FRYL: variants seen among roughly 807,000 people sequenced by gnomAD.
The protein encoded by FRYL is FRY like transcription coactivator.
A neutral mutation model predicts 351.2 loss-of-function variants in FRYL; 150 were observed. The ratio of observed to expected loss-of-function variants is 0.43; its 90% CI spans 0.37 to 0.49. The LOEUF (loss-of-function observed/expected upper bound fraction) is 0.49. Ranked by LOEUF, FRYL falls within the 20% of genes least tolerant of loss-of-function variation. The probability of loss-of-function intolerance (pLI) is 0.00; values close to 1 mark genes in which losing one functional copy is unlikely to be tolerated. For missense variants in FRYL, 3,036 were observed against 3,619.3 expected (o/e 0.84, Z 4.13); for synonymous variants, 1,153 against 1,257.1 (o/e 0.92, Z 1.75).
intron 1 of FRYL, among the ~76,000 whole-genome samples, chr4:48,735,850 T>A (rs1454525312): frequency 1.0e-5 from 1 of 96,984 alleles, no homozygotes; most frequent in Admixed American, 1.1e-4. Flanking sequence ...AGGGATAGCA[T>A]TGGGAGATAT....
intron 1 of FRYL, among the ~76,000 whole-genome samples, chr4:48,724,888 AGATG>A (rs1769913072): frequency 6.6e-6 from 1 of 152,258 alleles, no homozygotes; most frequent in African/African-American, 2.4e-5. Flanking sequence ...ATCCATGTTG[AGATG>A]GAACCTAATG....
intron 3 of FRYL, among the ~76,000 whole-genome samples, chr4:48,682,311 T>C (rs556497675): frequency 6.6e-6 from 1 of 152,102 alleles, no homozygotes; most frequent in East Asian, 1.9e-4. Flanking sequence ...CCTAAAAGCA[T>C]AAAAACCCTA....
intron 1 of FRYL, among the ~76,000 whole-genome samples, chr4:48,761,543 C>G (rs1284974092): frequency 6.6e-6 from 1 of 152,172 alleles, no homozygotes; most frequent in African/African-American, 2.4e-5. Flanking sequence ...CACTCACTTA[C>G]TAACTCACCC....
At chr4:48,582,442 A>C in intron 20 of FRYL, 55 bp downstream of exon 20, 1 of 1,049,002 alleles carries the variant, frequency 9.5e-7, no homozygotes, top group Admixed American at 1.9e-5. Context: ...TAAAACCATT[A>C]TTGGTCATTT....
intron 33 of FRYL, among the ~76,000 whole-genome samples, chr4:48,561,148 CA>C (rs1457145803): frequency 6.6e-6 from 1 of 152,178 alleles, no homozygotes; most frequent in Non-Finnish European, 1.5e-5. Context: ...ACAATGTATT[CA>C]AGAAGTCCTA....
At chr4:48,629,253 C>G (rs191503972) in intron 4 of FRYL, among the ~76,000 whole-genome samples, 11 of 152,190 alleles carry the variant, frequency 7.2e-5, no homozygotes, top group Admixed American at 7.2e-4. Flanking sequence ...TTTCAGTAAT[C>G]TGTAATTGGA....
intron 2 of FRYL, among the ~76,000 whole-genome samples, chr4:48,707,619 T>C (rs1767508907): frequency 6.6e-6 from 1 of 151,954 alleles, no homozygotes; most frequent in South Asian, 2.1e-4. Flanking sequence ...AAAAAAATCC[T>C]GAAATAAAAA....
intron 7 of FRYL, chr4:48,618,942 G>T (rs2149316454): frequency 5.0e-6 from 1 of 200,078 alleles, no homozygotes; most frequent in Non-Finnish European, 1.0e-5. Context: ...GCTTAGAGGA[G>T]AAATAAAGTG....
rs1358244782 is a variant in FRYL at position 48,510,056 on chromosome 4, G to A, written c.8394+3C>T. Reference sequence around the variant, plus strand: ...TTTTCGCACATGGTAAAAAGAGACTGACCTGCTCAGCGGCTTCTCTTTTCA... The same window carrying A: ...TTTTCGCACATGGTAAAAAGAGACTAACCTGCTCAGCGGCTTCTCTTTTCA... On this transcript the variant is annotated splice_donor_region_variant and intron_variant, in intron 59 of 63. Coordinates refer to ENST00000358350, the MANE Select transcript of FRYL (RefSeq NM_015030.2). 1 of 1,603,398 alleles carries A rather than the reference G, an allele frequency of 6.2e-7. No homozygotes were observed. The highest frequency in any genetic ancestry group is 8.5e-7 in the Non-Finnish European group (1 of 1,170,416).
Position 48,540,671 on chromosome 4 carries a change from T to C in FRYL, c.5977A>G (p.Thr1993Ala), listed in dbSNP as rs754880798. 28 of 1,613,872 alleles carry C rather than the reference T, an allele frequency of 1.7e-5. No individual in the cohort carries two copies. The highest frequency in any genetic ancestry group is 1.6e-4 in the Middle Eastern group (1 of 6,082). Residue 1993 changes from threonine to alanine, a missense_variant, in exon 46 of 64, where the codon ACT (threonine) becomes GCT (alanine). By Grantham distance (58) the Thr-to-Ala change is moderately conservative. Transcript: ENST00000358350. ...GCCATCAAGTTGGTAGGCTCAGTAGTGGACTGCACGTCATACATTCCTTTC... is the reference window on the plus strand; with the variant it reads ...GCCATCAAGTTGGTAGGCTCAGTAGCGGACTGCACGTCATACATTCCTTTC... Reference protein sequence around the residue: ...REKGMYDVQSTTEPTNLMATI... With the variant: ...REKGMYDVQSATEPTNLMATI...
intron 15 of FRYL, among the ~76,000 whole-genome samples, chr4:48,594,795 C>T (rs2149223767): frequency 6.6e-6 from 1 of 152,236 alleles, no homozygotes; most frequent in African/African-American, 2.4e-5. Flanking sequence ...GACGAGATAA[C>T]CTTACCTATG....
chr4:48,580,326 T>G (rs910260226), intron 22 of FRYL: 3 of 152,296 alleles, frequency 2.0e-5, no homozygotes, highest in African/African-American at 7.2e-5. Flanking sequence ...GCAAGAAAGT[T>G]TGCATAAACT....
chr4:48,713,717 T>C (rs1768394163), intron 1 of FRYL, among the ~76,000 whole-genome samples: 1 of 151,880 alleles, frequency 6.6e-6, no homozygotes, highest in African/African-American at 2.4e-5. Context: ...ATCAATGAGA[T>C]AGAAAGTTAA....
chr4:48,669,401 C>A (rs1236833654), intron 3 of FRYL, among the ~76,000 whole-genome samples: 1 of 151,940 alleles, frequency 6.6e-6, no homozygotes, highest in Admixed American at 6.6e-5. Context: ...TTGAGCATCA[C>A]GAGCAATTGG....
intron 24 of FRYL, 26 bp from the exon 25 acceptor site, chr4:48,575,267 A>G (rs199804727): frequency 6.2e-7 from 1 of 1,607,402 alleles, no homozygotes; most frequent in Non-Finnish European, 8.5e-7. Flanking sequence ...CGTATTTGTA[A>G]CAGCCACTAA....
intron 1 of FRYL, among the ~76,000 whole-genome samples, chr4:48,739,420 A>T (rs1251783508): frequency 6.7e-6 from 1 of 148,574 alleles, no homozygotes; most frequent in Admixed American, 7.1e-5. Flanking sequence ...AAAAAAAAAA[A>T]ACAACTAATC....
In FRYL at chr4:48,546,073, G is replaced by A. The variant is rs1156486019; in HGVS notation, c.5273C>T (p.Thr1758Ile). Residue 1758 changes from threonine (T) to isoleucine (I), a missense_variant, in exon 42 of 64, where the codon ACC becomes ATC. By Grantham distance (89) the Thr-to-Ile change is moderately conservative. Around this residue, in one of 7 missense-constraint regions of FRYL, gnomAD observed 1,987 missense variants for 2,311.7 expected, o/e 0.86. Coordinates refer to ENST00000358350, the MANE Select transcript of FRYL (RefSeq NM_015030.2). ...TAAGAGCTGCCAGTGTTACCTTGAG[G>A]TAATGAATTCCATGAGGGTTTTGAC... ...GKVKTLMEFI[T>I]SRKRGPLWNH... The A allele has an allele frequency of 1.9e-6, 3 of 1,612,318 alleles. No individual in the cohort carries two copies. Among genetic ancestry groups the A allele is most frequent in the Non-Finnish European group, 2.5e-6 (3 of 1,179,152 alleles).
intron 49 of FRYL, 58 bp from the exon 50 acceptor site, chr4:48,531,411 A>G (rs756441290): frequency 1.4e-4 from 141 of 1,003,860 alleles, no homozygotes; most frequent in Non-Finnish European, 2.1e-4. Context: ...ACTAAGAACA[A>G]CAATTTACTG....
intron 27 of FRYL, among the ~76,000 whole-genome samples, chr4:48,570,217 G>T (rs1335029228): frequency 6.6e-6 from 1 of 152,080 alleles, no homozygotes; most frequent in African/African-American, 2.4e-5. Flanking sequence ...TCCTCCTAAG[G>T]AAATAGTTAT....
Sources: allele counts gnomAD v4.1 joint callset (sites outside exome capture counted in the v4.1 genomes callset), GRCh38; gene constraint gnomAD v4.1.1; regional missense constraint gnomAD v4.1.1; transcripts MANE v1.5; gene names NCBI Gene and HGNC (gene_info 2026-07-23, HGNC 2026-07-21).